MDFIC2: variants seen among roughly 807,000 people sequenced by gnomAD.
MDFIC2 encodes the protein MyoD family inhibitor domain containing 2.
At chr3:70,214,738 G>C (rs956070831) in intron 2 of MDFIC2, among the ~76,000 whole-genome samples, 1 of 151,944 alleles carries the variant, frequency 6.6e-6, no homozygotes, top group African/African-American at 2.4e-5. Flanking sequence ...TGGTAACGAG[G>C]AACAATTGAC....
intron 2 of MDFIC2, among the ~76,000 whole-genome samples, chr3:70,222,313 G>C (rs556629135): frequency 3.3e-5 from 5 of 152,302 alleles, no homozygotes; most frequent in Admixed American, 1.3e-4. Context: ...AAGTTCTTCT[G>C]TGTTACCATG....
At chr3:70,209,763 C>T (rs1370697328) in intron 2 of MDFIC2, among the ~76,000 whole-genome samples, 1 of 152,092 alleles carries the variant, frequency 6.6e-6, no homozygotes, top group African/African-American at 2.4e-5. Context: ...GCAAAACCTC[C>T]TCACCCTAAA....
intron 2 of MDFIC2, among the ~76,000 whole-genome samples, chr3:70,290,305 T>TG (rs1228569863): frequency 6.6e-6 from 1 of 151,798 alleles, no homozygotes; most frequent in Non-Finnish European, 1.5e-5. Context: ...GCAGGTCTGT[T>TG]GGAGTACCCT....
chr3:70,286,560 A>G lies in MDFIC2; in HGVS notation c.88+25326T>C, dbSNP rs1702165925. Among the ~76,000 whole-genome samples the G allele has an allele frequency of 2.6e-5, 4 of 151,782 alleles. No individual in the cohort carries two copies. In the South Asian group the frequency reaches 8.4e-4, roughly 32 times the overall value. ...GATGCGGGCTCTTTTTTGGTTCTAT[A>G]TGAACTTTAAAGTAGTTTTTTCCAA... On this transcript the variant is annotated intron_variant, in intron 2 of 3. Transcript: ENST00000567252.
chr3:70,225,736 G>C (rs552260842), intron 2 of MDFIC2, among the ~76,000 whole-genome samples: 3 of 152,300 alleles, frequency 2.0e-5, no homozygotes, highest in Admixed American at 6.5e-5. Context: ...CGATAGTTTG[G>C]TGATAAGAAC....
intron 3 of MDFIC2, among the ~76,000 whole-genome samples, chr3:70,199,087 A>G (rs1254802311): frequency 1.3e-5 from 2 of 152,200 alleles, no homozygotes; most frequent in African/African-American, 4.8e-5. Flanking sequence ...TGAATGCTCA[A>G]GAGACTTACT....
chr3:70,300,569 T>A (rs897159040), intron 2 of MDFIC2, among the ~76,000 whole-genome samples: 29 of 152,058 alleles, frequency 1.9e-4, no homozygotes, highest in Admixed American at 5.3e-4. Context: ...CTGTTGAGTG[T>A]TTTCAAAAAT....
At chr3:70,298,564 G>C (rs1702314094) in intron 2 of MDFIC2, among the ~76,000 whole-genome samples, 1 of 152,044 alleles carries the variant, frequency 6.6e-6, no homozygotes, top group Non-Finnish European at 1.5e-5. Flanking sequence ...GTTGGCTTCT[G>C]AATCTTCATC....
chr3:70,289,035 A>G lies in MDFIC2; in HGVS notation c.88+22851T>C, dbSNP rs571697719. On this transcript the variant is annotated intron_variant, in intron 2 of 3. Transcript: ENST00000567252. The stretch of plus-strand genomic sequence containing the variant: ...TCCAGTTTGCCAGTCTGTGTCTTTT[A>G]ATTGGAGCATTTAGCCCATTTACAT... Among the ~76,000 whole-genome samples the G allele has an allele frequency of 4.6e-5, 7 of 152,180 alleles. No homozygotes were observed. In the South Asian group the frequency reaches 1.2e-3, roughly 27 times the overall value.
chr3:70,251,724 A>C lies in MDFIC2; in HGVS notation c.89-44934T>G, dbSNP rs149137284. Among the ~76,000 whole-genome samples the C allele has an allele frequency of 4.3e-3, 653 of 152,284 alleles. 8 individuals carry two copies. The highest frequency in any genetic ancestry group is 0.013 in the African/African-American group (560 of 41,560). On this transcript the variant is annotated intron_variant, in intron 2 of 3. Transcript: ENST00000567252. ...ATTACTTTTGCCCCAACCTAATACC[A>C]TACCTAAGTAGTTGCTCGTCTAAGG...
rs1701280331 is a variant in MDFIC2, at chr3:70,205,403, C to T, written c.310+1166G>A. 3 of 152,134 alleles carry T rather than the reference C, an allele frequency of 2.0e-5. 1 individual carries two copies. The Middle Eastern group carries it at 0.01, about 517-fold the overall frequency. The allele number at this position is 152,134 out of a possible 1,614,324, so 9.4% of individuals were successfully genotyped here. The stretch of plus-strand genomic sequence containing the variant: ...GGCAATTAAGCCTGTAGTTTCTGGC[C>T]TAAAGCATTCATGACAACATGTGCA... On this transcript the variant is annotated intron_variant, in intron 3 of 3. Transcript: ENST00000567252.
chr3:70,254,569 G>A (rs938274409), intron 2 of MDFIC2, among the ~76,000 whole-genome samples: 1 of 152,090 alleles, frequency 6.6e-6, no homozygotes, highest in Non-Finnish European at 1.5e-5. Context: ...TTCCCTAATG[G>A]TGAGGTGGCA....
intron 2 of MDFIC2, among the ~76,000 whole-genome samples, chr3:70,250,298 A>G (rs1428230089): frequency 1.3e-5 from 2 of 152,062 alleles, no homozygotes; most frequent in Non-Finnish European, 2.9e-5. Flanking sequence ...TTAGGATATA[A>G]TTTGTAACTT....
chr3:70,200,277 C>CAGAGATGG (rs1701225010), intron 3 of MDFIC2, among the ~76,000 whole-genome samples: 1 of 152,144 alleles, frequency 6.6e-6, no homozygotes. Context: ...ATTTTTAATT[C>CAGAGATGG]TAAATTTAAA....
chr3:70,225,729 T>C (rs1243528778), intron 2 of MDFIC2, among the ~76,000 whole-genome samples: 1 of 152,210 alleles, frequency 6.6e-6, no homozygotes, highest in Non-Finnish European at 1.5e-5. Context: ...AGTAGAACGA[T>C]AGTTTGGTGA....
chr3:70,250,408 AT>A (rs1701749863), intron 2 of MDFIC2, among the ~76,000 whole-genome samples: 1 of 109,996 alleles, frequency 9.1e-6, no homozygotes, highest in Non-Finnish European at 1.8e-5. Context: ...CTTTTAATGA[AT>A]CTCACACACA....
chr3:70,278,356 G>A (rs1702048446), intron 2 of MDFIC2, among the ~76,000 whole-genome samples: 1 of 152,148 alleles, frequency 6.6e-6, no homozygotes, highest in Admixed American at 6.5e-5. Flanking sequence ...GTTCCCAGTA[G>A]TTGGATATTA....
At chr3:70,222,394 T>G (rs1023418181) in intron 2 of MDFIC2, among the ~76,000 whole-genome samples, 2 of 152,218 alleles carry the variant, frequency 1.3e-5, no homozygotes, top group African/African-American at 4.8e-5. Flanking sequence ...AAATGAGTTA[T>G]AGAAAACTAT....
intron 2 of MDFIC2, among the ~76,000 whole-genome samples, chr3:70,307,458 C>T (rs1000696156): frequency 2.0e-5 from 3 of 152,096 alleles, no homozygotes; most frequent in Admixed American, 2.0e-4. Context: ...CAGAATGCTC[C>T]TTGGCTTAAT....
Sources: gnomAD v4.1 joint callset for allele counts (sites outside exome capture counted in the v4.1 genomes callset) on GRCh38, gnomAD v4.1.1 for gene constraint, MANE v1.5 for transcripts, NCBI Gene and HGNC (gene_info 2026-07-23, HGNC 2026-07-21) for gene names.